TFPI: variants seen among roughly 807,000 people sequenced by gnomAD.
TFPI encodes anti-convertin.
Under a neutral mutation model 34.6 loss-of-function variants are expected in TFPI, and 15 were observed. The ratio of observed to expected loss-of-function variants is 0.43; its 90% confidence interval spans 0.29 to 0.67. The LOEUF (loss-of-function observed/expected upper bound fraction) is 0.67, where lower values mean the gene tolerates loss of function less well. TFPI is among the 30% of genes least tolerant of loss of function. The pLI is 0.15. For synonymous variants in TFPI, 105 were observed against 120.1 expected (o/e 0.87, Z 0.82); for missense variants, 301 against 364.0 (o/e 0.83, Z 1.41).
chr2:187,477,697 G>A (rs970686473), intron 6 of TFPI, among the ~76,000 whole-genome samples: 1 of 152,158 alleles, frequency 6.6e-6, no homozygotes, highest in African/African-American at 2.4e-5. Context: ...GATTGTGTTT[G>A]GCTGTCCATT....
chr2:187,525,524 G>T (rs958432989), intron 1 of TFPI, among the ~76,000 whole-genome samples: 1 of 151,748 alleles, frequency 6.6e-6, no homozygotes, highest in Admixed American at 6.6e-5. Flanking sequence ...AAGAAGAGGG[G>T]GTTTGTAGTA....
At chr2:187,534,876 G>C (rs1180684376) in intron 1 of TFPI, among the ~76,000 whole-genome samples, 1 of 148,322 alleles carries the variant, frequency 6.7e-6, no homozygotes, top group African/African-American at 2.5e-5. Context: ...GAGGAATATT[G>C]ACCAAGCAAA....
At chr2:187,549,471 G>A (rs574351447) in intron 1 of TFPI, among the ~76,000 whole-genome samples, 1 of 152,220 alleles carries the variant, frequency 6.6e-6, no homozygotes, top group Admixed American at 6.5e-5. Flanking sequence ...TGTTGAACAA[G>A]TGATCACTTG....
intron 3 of TFPI, among the ~76,000 whole-genome samples, chr2:187,488,850 T>C (rs2106036891): frequency 6.6e-6 from 1 of 151,664 alleles, no homozygotes; most frequent in South Asian, 2.1e-4. Flanking sequence ...AGTTTCATTA[T>C]TATTACCAAT....
Position 187,467,143 on chromosome 2 carries a change from A to G in TFPI, c.809-101T>C, listed in dbSNP as rs368260293. On this transcript the variant is annotated intron_variant, in intron 7 of 7. Coordinates refer to ENST00000233156, the MANE Select transcript of TFPI (RefSeq NM_006287.6). Reference sequence around the variant, plus strand: ...GTAACTTTTAATATTTAAATCCAAAAGATGTTATTGATTTAAAAGCCTTTA... The same window carrying G: ...GTAACTTTTAATATTTAAATCCAAAGGATGTTATTGATTTAAAAGCCTTTA... 60 of 773,728 alleles carry G rather than the reference A, an allele frequency of 7.8e-5. No homozygotes were observed. The African/African-American group carries it at 8.8e-4, about 11-fold the overall frequency. The allele number at this position is 773,728 out of a possible 1,614,324, so 47.9% of individuals were successfully genotyped here.
intron 1 of TFPI, among the ~76,000 whole-genome samples, chr2:187,537,510 T>A (rs1574520154): frequency 6.6e-6 from 1 of 152,164 alleles, no homozygotes; most frequent in Admixed American, 6.5e-5. Flanking sequence ...ATTTAATAAA[T>A]CGTGTTGGGA....
chr2:187,469,496 G>T (rs763684), intron 6 of TFPI, among the ~76,000 whole-genome samples: 78,776 of 151,808 alleles, frequency 0.52, 20,831 homozygotes, highest in East Asian at 0.66. Flanking sequence ...TTGTGTATAT[G>T]TGAGGTTTAC....
chr2:187,469,189 T>C (rs1324183115), intron 6 of TFPI, among the ~76,000 whole-genome samples: 2 of 152,070 alleles, frequency 1.3e-5, no homozygotes, highest in African/African-American at 2.4e-5. Context: ...ACTCAGGTAA[T>C]AAAAAATATT....
At chr2:187,498,327 A>T (rs1470644552) in intron 2 of TFPI, among the ~76,000 whole-genome samples, 1 of 151,872 alleles carries the variant, frequency 6.6e-6, no homozygotes, top group Admixed American at 6.6e-5. Flanking sequence ...AATAAAAGTT[A>T]AATTAGATAA....
rs1315840766 is a variant in TFPI, at chr2:187,464,905, C to T, written c.*2031G>A. On this transcript the variant is annotated 3_prime_UTR_variant, in exon 8 of 8. Transcript: ENST00000233156. ...TATTCCATATTGAAACATAGTGATT[C>T]TGTAGCTGGCATCAGCTGTACCCTG... 1 of 152,126 alleles carries T rather than the reference C, an allele frequency of 6.6e-6. No homozygotes were observed. Among genetic ancestry groups the T allele is most frequent in the Admixed American group, 6.6e-5 (1 of 15,262 alleles). 9.4% of individuals were successfully genotyped at this position (152,126 alleles called of 1,614,324 possible). A position where few individuals can be genotyped will look rare whatever the true frequency, so the allele number is the denominator to read the frequency against.
At chr2:187,545,076 G>C (rs572601015) in intron 1 of TFPI, among the ~76,000 whole-genome samples, 2 of 152,130 alleles carry the variant, frequency 1.3e-5, no homozygotes, top group East Asian at 3.9e-4. Flanking sequence ...GTGCCACTGC[G>C]CTCCAGCCTG....
intron 1 of TFPI, chr2:187,547,852 A>G (rs772840728): frequency 2.0e-5 from 3 of 152,158 alleles, no homozygotes; most frequent in Non-Finnish European, 4.4e-5. Context: ...TACCCAACAC[A>G]TGATCATATC....
intron 1 of TFPI, chr2:187,527,211 C>T (rs1461213795): frequency 6.6e-6 from 1 of 152,134 alleles, no homozygotes; most frequent in African/African-American, 2.4e-5. Context: ...ATTCTGATAG[C>T]TTTCTATTTC....
intron 1 of TFPI, among the ~76,000 whole-genome samples, chr2:187,507,628 G>A (rs1442804491): frequency 6.6e-6 from 1 of 152,102 alleles, no homozygotes; most frequent in African/African-American, 2.4e-5. Flanking sequence ...AGAAGTGCCT[G>A]TTAATATCCT....
At chr2:187,495,403 G>T (rs1249887796) in intron 3 of TFPI, among the ~76,000 whole-genome samples, 1 of 152,092 alleles carries the variant, frequency 6.6e-6, no homozygotes, top group Non-Finnish European at 1.5e-5. Flanking sequence ...AAGAAAATGG[G>T]GTATAGAAAT....
chr2:187,487,551 C>G (rs887588554), intron 4 of TFPI, among the ~76,000 whole-genome samples: 1 of 151,352 alleles, frequency 6.6e-6, no homozygotes, highest in Non-Finnish European at 1.5e-5. Flanking sequence ...CTGAGTTAAA[C>G]AATTTAATCT....
At chr2:187,498,483 C>T (rs1019045779) in intron 2 of TFPI, among the ~76,000 whole-genome samples, 2 of 151,606 alleles carry the variant, frequency 1.3e-5, no homozygotes, top group Admixed American at 6.6e-5. Flanking sequence ...TTATATGAGT[C>T]ATAAAATTGT....
chr2:187,528,945 A>G (rs1474902779), intron 1 of TFPI, among the ~76,000 whole-genome samples: 1 of 152,148 alleles, frequency 6.6e-6, no homozygotes, highest in Non-Finnish European at 1.5e-5. Context: ...AAATGGTAAG[A>G]ATTTGAAAAA....
In TFPI at chr2:187,554,358, A is replaced by C. The variant is rs185639646; in HGVS notation, c.-161T>G. On this transcript the variant is annotated 5_prime_UTR_variant, in exon 1 of 8. Coordinates refer to ENST00000233156, the MANE Select transcript of TFPI (RefSeq NM_006287.6). ...TGGCGATTGAAGAGTAACTGAAAGA[A>C]ACGCAATCTGATCTTACTAGCAGTG... The C allele has an allele frequency of 8.5e-5, 13 of 152,332 alleles. No individual in the cohort carries two copies. In the East Asian group the frequency reaches 2.5e-3, roughly 29 times the overall value. The allele number at this position is 152,332 out of a possible 1,614,324, so 9.4% of individuals were successfully genotyped here. A position where few individuals can be genotyped will look rare whatever the true frequency, so the allele number is the denominator to read the frequency against.
Sources: gnomAD v4.1 joint callset for allele counts (sites outside exome capture counted in the v4.1 genomes callset) on GRCh38, gnomAD v4.1.1 for gene constraint, MANE v1.5 for transcripts, NCBI Gene and HGNC (gene_info 2026-07-23, HGNC 2026-07-21) for gene names.